The following FAM25C variants were observed in gnomAD, a reference collection of about 807,000 sequenced individuals.
The protein encoded by FAM25C is protein FAM25C.
In FAM25C, 4 loss-of-function variants were observed where a neutral mutation model predicts 9.6. The observed-to-expected ratio is 0.42, with a 90% CI of 0.20 to 0.95. The LOEUF (loss-of-function observed/expected upper bound fraction) is 0.95. FAM25C is among the 40% of genes least tolerant of loss of function. FAM25C has a pLI of 0.31. For missense variants in FAM25C, 38 were observed against 110.4 expected, an observed-to-expected ratio of 0.34 and a Z score of 2.94; for synonymous variants, 23 against 44.1, an observed-to-expected ratio of 0.52 and a Z score of 1.89.
At chr10:47,998,557 CTG>C (rs1450097804) in intron 1 of FAM25C, among the ~76,000 whole-genome samples, 2 of 119,686 alleles carry the variant, frequency 1.7e-5, no homozygotes, top group Admixed American at 1.7e-4. Context: ...GCCCCGAGTT[CTG>C]GGAGCCCACG....
chr10:47,996,788 A>C lies in FAM25C; in HGVS notation c.136+889T>G, dbSNP rs528722207. Among the ~76,000 whole-genome samples, 4 of 136,612 alleles carry C rather than the reference A, an allele frequency of 2.9e-5. No homozygotes were observed. The South Asian group carries it at 9.7e-4, about 33-fold the overall frequency. 89.6% of individuals were successfully genotyped at this position (136,612 alleles called of 152,430 possible). On this transcript the variant is annotated intron_variant, in intron 2 of 2. Transcript: ENST00000617224. Reference sequence around the variant, plus strand: ...TACTACTCATAGCTCACACACATCAATTTAACATTTAACATAGAATTTTAC... The same window carrying C: ...TACTACTCATAGCTCACACACATCACTTTAACATTTAACATAGAATTTTAC...
intron 2 of FAM25C, among the ~76,000 whole-genome samples, chr10:47,997,038 C>T (rs1842810310): frequency 6.8e-6 from 1 of 147,708 alleles, no homozygotes; most frequent in Admixed American, 6.8e-5. Flanking sequence ...TCACCGTGGT[C>T]TGGATCTCCT....
rs1426417736 is a variant in FAM25C, at chr10:47,997,502, C to T, written c.136+175G>A. Among the ~76,000 whole-genome samples, 34 of 151,770 alleles carry T rather than the reference C, an allele frequency of 2.2e-4. 1 individual carries two copies. Among genetic ancestry groups the T allele is most frequent in the African/African-American group, 5.8e-4 (24 of 41,468 alleles). On this transcript the variant is annotated intron_variant, in intron 2 of 2. Coordinates refer to ENST00000617224, the MANE Select transcript of FAM25C (RefSeq NM_001137548.3). ...GAGAACCATCTAGACAGTGTCCTAA[C>T]GCAGTACGGTCTGTGGCCTCTGATG... is the stretch of plus-strand genomic sequence containing the variant.
chr10:47,995,488 C>T lies in FAM25C; in HGVS notation c.160G>A (p.Ala54Thr). 1.3e-6 allele frequency: 2 copies of T among 1,534,090 alleles called. No individual in the cohort carries two copies. Among genetic ancestry groups the T allele is most frequent in the Non-Finnish European group, 1.7e-6 (2 of 1,145,898 alleles). ...ATCTTTTTGTCCCCTGACTCCTGGG[C>T]TTTCTTTATGGCTTCAGCAATGGCT... ...EKAIAEAIKK[A>T]QESGDKKMKE... The change falls in exon 3 of 3, where the codon GCC (alanine) becomes ACC (threonine). Residue 54 changes from alanine (A) to threonine (T), a missense_variant. Coordinates refer to ENST00000617224, the MANE Select transcript of FAM25C (RefSeq NM_001137548.3).
chr10:47,997,169 C>T (rs1487811621), intron 2 of FAM25C, among the ~76,000 whole-genome samples: 2 of 146,892 alleles, frequency 1.4e-5, no homozygotes, highest in Non-Finnish European at 3.0e-5. Flanking sequence ...AGTGCAGTGG[C>T]ATGATCTAGG....
At position 47,996,986 on chromosome 10, in the gene FAM25C, C is replaced by T. The variant is rs1319907268; in HGVS notation, c.136+691G>A. Among the ~76,000 whole-genome samples the T allele has an allele frequency of 3.5e-5, 5 of 142,598 alleles. No individual in the cohort carries two copies. The East Asian group carries it at 8.1e-4, about 23-fold the overall frequency. The allele number at this position is 142,598 out of a possible 152,430, so 93.5% of individuals were successfully genotyped here. A position where few individuals can be genotyped will look rare whatever the true frequency, so the allele number is the denominator to read the frequency against. On this transcript the variant is annotated intron_variant, in intron 2 of 2. Transcript: ENST00000617224. ...AGCTAGGACTACAGGTGCCCGCCAC[C>T]GTGCCCAGCTAATTTTTTGTATTTT...
At chr10:47,997,378 G>A (rs565431060) in intron 2 of FAM25C, among the ~76,000 whole-genome samples, 1 of 151,840 alleles carries the variant, frequency 6.6e-6, no homozygotes, top group Non-Finnish European at 1.5e-5. Flanking sequence ...CAAAGTGCTG[G>A]GATTACAGGC....
In FAM25C at chr10:47,996,801, C is replaced by A. The variant is rs1203957553; in HGVS notation, c.136+876G>T. Among the ~76,000 whole-genome samples the A allele has an allele frequency of 8.4e-4, 111 of 132,904 alleles. 1 individual carries two copies. Among genetic ancestry groups the A allele is most frequent in the African/African-American group, 3.0e-3 (105 of 35,436 alleles). 87.2% of individuals were successfully genotyped at this position (132,904 alleles called of 152,430 possible). On this transcript the variant is annotated intron_variant, in intron 2 of 2. Coordinates refer to ENST00000617224, the MANE Select transcript of FAM25C (RefSeq NM_001137548.3). ...TCACACACATCAATTTAACATTTAA[C>A]ATAGAATTTTACATGTTAATTTTTT...
chr10:47,995,559 C>T, intron 2 of FAM25C, 48 bp from the exon 3 acceptor site: 2 of 1,533,634 alleles, frequency 1.3e-6, no homozygotes, highest in Non-Finnish European at 1.7e-6. Flanking sequence ...ACCTGCTGAA[C>T]TTGTGTCCCC....
chr10:47,997,804 TGA>T (rs1842824952), intron 1 of FAM25C, 65 bp from the exon 2 acceptor site: 1 of 1,522,536 alleles, frequency 6.6e-7, no homozygotes, highest in Non-Finnish European at 8.8e-7. Context: ...GAGTCCAGGG[TGA>T]GGGTTCAGAG....
intron 2 of FAM25C, 97 bp from the exon 3 acceptor site, chr10:47,995,608 G>A: frequency 8.2e-7 from 1 of 1,222,016 alleles, no homozygotes; most frequent in Non-Finnish European, 1.1e-6. Context: ...TAATGGATTA[G>A]TCTCTGGAGT....
intron 1 of FAM25C, 142 bp from the exon 2 acceptor site, chr10:47,997,881 G>A: frequency 1.5e-6 from 1 of 645,984 alleles, no homozygotes; most frequent in Non-Finnish European, 2.8e-6. Context: ...TCCCAGTCCA[G>A]GGTGAGGGCT....
chr10:47,998,752 A>ACGCTCAGCTTTTCTCC (rs1842841659), intron 1 of FAM25C, among the ~76,000 whole-genome samples: 1 of 134,116 alleles, frequency 7.5e-6, no homozygotes, highest in Non-Finnish European at 1.6e-5. Context: ...TTTTCTCCCA[A>ACGCTCAGCTTTTCTCC]CAGGAATCAT....
Position 47,995,439 on chromosome 10 carries a change from G to A in FAM25C, c.209C>T (p.Thr70Ile), listed in dbSNP as rs1327083583. The A allele has an allele frequency of 6.6e-7, 1 of 1,525,672 alleles. No homozygotes were observed. Among genetic ancestry groups the A allele is most frequent in the East Asian group, 2.4e-5 (1 of 40,858 alleles). The allele number at this position is 1,525,672 out of a possible 1,614,324, so 94.5% of individuals were successfully genotyped here. The change falls in exon 3 of 3, where the codon ACC becomes ATC. Residue 70 changes from threonine (T) to isoleucine (I), a missense_variant. Physicochemically the swap from Thr to Ile is moderately conservative, Grantham distance 89. This residue lies in a region of FAM25C where 30 missense variants were observed against 53.0 expected (regional missense o/e 0.57). Transcript: ENST00000617224. ...KKMKEITETV[T>I]NTVTNAITHA... ...GGTGATGGCATTTGTGACTGTGTTG[G>A]TCACTGTCTCGGTGATTTCCTTCAT...
chr10:47,998,678 T>C (rs1842841045), intron 1 of FAM25C, among the ~76,000 whole-genome samples: 1 of 135,990 alleles, frequency 7.4e-6, no homozygotes, highest in Non-Finnish European at 1.6e-5. Flanking sequence ...AGAATGGCAG[T>C]GCTAGAAGCA....
rs782572435 is a variant in FAM25C, at chr10:47,995,536, G to A, written c.137-25C>T. On this transcript the variant is annotated intron_variant, in intron 2 of 2. Transcript: ENST00000617224. The stretch of plus-strand genomic sequence containing the variant: ...GCTGTTGGAAAGAAAGAGGAAGAAT[G>A]TCCTAGTGATCCACCTGCTGAACTT... 2.5e-5 allele frequency: 38 copies of A among 1,534,524 alleles called. No individual in the cohort carries two copies. In the South Asian group the frequency reaches 4.1e-4, roughly 16 times the overall value.
chr10:47,998,213 G>T lies in FAM25C; in HGVS notation c.74-474C>A, dbSNP rs11100980. Among the ~76,000 whole-genome samples the T allele has an allele frequency of 9.3e-5, 14 of 150,408 alleles. No homozygotes were observed. The East Asian group carries it at 1.6e-3, about 17-fold the overall frequency. ...TCAGGATGTGCTAGCGCCTGCCTCA[G>T]GTTGGTTTCCAAAGCCTCATCCACT... On this transcript the variant is annotated intron_variant, in intron 1 of 2. Coordinates refer to ENST00000617224, the MANE Select transcript of FAM25C (RefSeq NM_001137548.3).
chr10:47,996,820 ATTTTTTTTTTT>A (rs60497249), intron 2 of FAM25C, among the ~76,000 whole-genome samples: 2 of 75,080 alleles, frequency 2.7e-5, no homozygotes, highest in East Asian at 3.0e-4. Flanking sequence ...TTACATGTTA[ATTTTTTTTTTT>A]TTTTTTTTTT....
rs1240273430 is a variant in FAM25C at position 47,996,871 on chromosome 10, G to A, written c.136+806C>T. ...TTTTGAGACAGAGTATCACAGTGTC[G>A]CCCAGGCTGGAGTGCAGTGGCGCGA... On this transcript the variant is annotated intron_variant, in intron 2 of 2. Coordinates refer to ENST00000617224, the MANE Select transcript of FAM25C (RefSeq NM_001137548.3). 1.8e-4 allele frequency among the ~76,000 whole-genome samples: 19 copies of A among 108,012 alleles called. 1 individual carries two copies. Among genetic ancestry groups the A allele is most frequent in the East Asian group, 2.9e-4 (1 of 3,492 alleles). The allele number at this position is 108,012 out of a possible 152,430, so 70.9% of individuals were successfully genotyped here. A position where few individuals can be genotyped will look rare whatever the true frequency, so the allele number is the denominator to read the frequency against.
Sources: allele counts gnomAD v4.1 joint callset (sites outside exome capture counted in the v4.1 genomes callset), GRCh38; gene constraint gnomAD v4.1.1; regional missense constraint gnomAD v4.1.1; transcripts MANE v1.5; gene names NCBI Gene and HGNC (gene_info 2026-07-23, HGNC 2026-07-21).